Variants in MYO16 observed in about 807,000 individuals in gnomAD.
MYO16 encodes myosin XVI.
In MYO16, 94 loss-of-function variants were observed where a neutral mutation model predicts 205.3. That is an observed-to-expected ratio of 0.46 (90% CI 0.39 to 0.54). The LOEUF (loss-of-function observed/expected upper bound fraction) is 0.54. MYO16 is among the 20% of genes least tolerant of loss of function. The pLI, the probability that MYO16 is intolerant of heterozygous loss-of-function variation, is 0.00. For missense variants in MYO16, 2,315 were observed against 2,387.5 expected (o/e 0.97, Z 0.63); for synonymous variants, 988 against 954.0 (o/e 1.04, Z -0.66).
intron 29 of MYO16, among the ~76,000 whole-genome samples, chr13:109,120,741 A>C (rs904613631): frequency 1.3e-5 from 2 of 152,186 alleles, no homozygotes; most frequent in African/African-American, 4.8e-5. Flanking sequence ...ATATGCCCCT[A>C]TGTGAATCTC....
intron 2 of MYO16, 76 bp from the exon 3 acceptor site, chr13:108,712,585 C>A: frequency 1.5e-6 from 2 of 1,291,336 alleles, no homozygotes; most frequent in Non-Finnish European, 2.3e-6. Flanking sequence ...TAGATATTAA[C>A]GAAAGCCTAC....
intron 11 of MYO16, among the ~76,000 whole-genome samples, chr13:108,863,348 T>C (rs1273605725): frequency 6.6e-6 from 1 of 152,116 alleles, no homozygotes; most frequent in East Asian, 1.9e-4. Context: ...TTACTTTTCA[T>C]TAGATTAAGG....
At chr13:109,054,891 C>G (rs918613369) in intron 25 of MYO16, among the ~76,000 whole-genome samples, 155 bp from the exon 26 acceptor site, 1 of 151,414 alleles carries the variant, frequency 6.6e-6, no homozygotes, top group Non-Finnish European at 1.5e-5. Flanking sequence ...TTCTTTCCTT[C>G]CTTTCTTCCT....
intron 1 of MYO16, among the ~76,000 whole-genome samples, chr13:108,609,589 T>C (rs186603560): frequency 1.3e-5 from 2 of 152,196 alleles, no homozygotes; most frequent in South Asian, 2.1e-4. Flanking sequence ...TTCAGCAACA[T>C]GAGCACAGCA....
chr13:108,762,843 C>T (rs536123819), intron 4 of MYO16, among the ~76,000 whole-genome samples: 2 of 152,260 alleles, frequency 1.3e-5, no homozygotes, highest in African/African-American at 2.4e-5. Flanking sequence ...TCTTAACCTA[C>T]GAGAACACCA....
At chr13:109,147,716 A>G (rs1408174527) in intron 32 of MYO16, among the ~76,000 whole-genome samples, 3 of 152,018 alleles carry the variant, frequency 2.0e-5, no homozygotes, top group Non-Finnish European at 4.4e-5. Flanking sequence ...AAATTAGAAA[A>G]AGTGTGGAAG....
intron 15 of MYO16, 36 bp from the exon 16 acceptor site, chr13:108,909,967 G>A (rs1272979588): frequency 6.3e-7 from 1 of 1,590,116 alleles, no homozygotes; most frequent in East Asian, 2.2e-5. Context: ...AATGAATACT[G>A]CCATTTAACA....
At chr13:108,829,814 A>G (rs956269465) in intron 9 of MYO16, among the ~76,000 whole-genome samples, 2 of 152,288 alleles carry the variant, frequency 1.3e-5, no homozygotes, top group Middle Eastern at 3.4e-3. Context: ...AAAGGATAAG[A>G]CTCACAATAG....
Position 108,694,910 on chromosome 13 carries a change from C to T in MYO16, c.293-17751C>T, listed in dbSNP as rs148645605. Among the ~76,000 whole-genome samples the T allele has an allele frequency of 7.5e-3, 1,144 of 152,080 alleles. 12 individuals carry two copies. The highest frequency in any genetic ancestry group is 0.026 in the African/African-American group (1,088 of 41,488). ...GGTGGATCACCTGAGGTCGGGAGTTCGAGACCAGCCTGACCAACATGGAGA... is the reference window on the plus strand; with the variant it reads ...GGTGGATCACCTGAGGTCGGGAGTTTGAGACCAGCCTGACCAACATGGAGA... On this transcript the variant is annotated intron_variant, in intron 2 of 34. Coordinates refer to ENST00000457511, the MANE Select transcript of MYO16 (RefSeq NM_001198950.3).
intron 1 of MYO16, among the ~76,000 whole-genome samples, chr13:108,602,122 A>C (rs1038800659): frequency 7.8e-6 from 1 of 128,570 alleles, no homozygotes; most frequent in Non-Finnish European, 1.7e-5. Context: ...AAAAAAAAAA[A>C]CAGCCCAGGA....
At chr13:108,832,113 A>T (rs1451944560) in intron 9 of MYO16, among the ~76,000 whole-genome samples, 1 of 145,752 alleles carries the variant, frequency 6.9e-6, no homozygotes, top group Admixed American at 6.9e-5. Flanking sequence ...TACTACTTTG[A>T]CTTTCCAGTG....
Position 108,927,277 on chromosome 13 carries a change from T to A in MYO16, c.1925+17127T>A, listed in dbSNP as rs75523577. ...ATTTGCATTTTCGGCATTTAGAATCTTTTCTCCTATTTGCCTTCCTCCACC... is the reference window on the plus strand; with the variant it reads ...ATTTGCATTTTCGGCATTTAGAATCATTTCTCCTATTTGCCTTCCTCCACC... On this transcript the variant is annotated intron_variant, in intron 16 of 34. Transcript: ENST00000457511. Among the ~76,000 whole-genome samples the A allele has an allele frequency of 1.1e-4, 17 of 152,316 alleles. No individual in the cohort carries two copies. The East Asian group carries it at 3.3e-3, about 29-fold the overall frequency.
intron 4 of MYO16, among the ~76,000 whole-genome samples, chr13:108,732,551 A>C (rs1461457707): frequency 6.6e-6 from 1 of 152,212 alleles, no homozygotes; most frequent in Non-Finnish European, 1.5e-5. Context: ...GACAGCAAGG[A>C]GACCAGCACA....
chr13:109,098,425 G>A (rs931517316), intron 27 of MYO16, among the ~76,000 whole-genome samples: 1 of 152,132 alleles, frequency 6.6e-6, no homozygotes, highest in Non-Finnish European at 1.5e-5. Context: ...GCAAAAAGTT[G>A]TCGAGGTGCT....
intron 34 of MYO16, among the ~76,000 whole-genome samples, chr13:109,182,979 C>A (rs1045629418): frequency 6.6e-6 from 1 of 152,176 alleles, no homozygotes; most frequent in Admixed American, 6.5e-5. Flanking sequence ...CTGTGAGATA[C>A]GACATCATGG....
At chr13:109,030,504 TC>T (rs1275131049) in intron 23 of MYO16, among the ~76,000 whole-genome samples, 7 of 152,164 alleles carry the variant, frequency 4.6e-5, no homozygotes, top group African/African-American at 1.7e-4. Flanking sequence ...AAAATTTAAT[TC>T]CAACCACTTA....
intron 2 of MYO16, among the ~76,000 whole-genome samples, chr13:108,679,723 T>G (rs9555492): frequency 7.2e-6 from 1 of 139,436 alleles, no homozygotes; most frequent in Non-Finnish European, 1.6e-5. Context: ...AAAAAAAAAA[T>G]AATAATAATA....
intron 20 of MYO16, among the ~76,000 whole-genome samples, chr13:108,971,080 A>G (rs1474731976): frequency 3.9e-5 from 6 of 152,242 alleles, no homozygotes; most frequent in South Asian, 2.1e-4. Context: ...AAAAAGATCA[A>G]TAATTTTTGC....
intron 2 of MYO16, among the ~76,000 whole-genome samples, chr13:108,701,816 C>A (rs527878124): frequency 4.0e-5 from 6 of 151,842 alleles, no homozygotes; most frequent in Non-Finnish European, 7.4e-5. Flanking sequence ...ATGTCTAAAT[C>A]GCTAAAGGAA....
Sources: allele counts gnomAD v4.1 joint callset (sites outside exome capture counted in the v4.1 genomes callset), GRCh38; gene constraint gnomAD v4.1.1; transcripts MANE v1.5; gene names NCBI Gene and HGNC (gene_info 2026-07-23, HGNC 2026-07-21).